The following NEDD4 variants were observed in gnomAD, a reference collection of about 807,000 sequenced individuals.
NEDD4 encodes the protein NEDD4 E3 ubiquitin protein ligase.
A neutral mutation model predicts 144.9 loss-of-function variants in NEDD4; 99 were observed. The observed-to-expected ratio is 0.68, with a 90% CI of 0.58 to 0.81. The LOEUF is 0.81. Ranked by LOEUF, NEDD4 falls within the 30% of genes least tolerant of loss-of-function variation. NEDD4 has a pLI of 0.00. For missense variants in NEDD4, 985 were observed against 1,065.9 expected (o/e 0.92, Z 1.06); for synonymous variants, 318 against 350.6 (o/e 0.91, Z 1.04).
Position 55,951,398 on chromosome 15 carries a change from C to T in NEDD4, c.215G>A (p.Trp72Ter). Residue 72 changes from tryptophan to a stop codon, truncating the protein, a stop_gained, in exon 4 of 29, where the codon TGG (tryptophan) becomes TAG (stop). Transcript: ENST00000435532. LOFTEE classifies it high-confidence loss of function. ...TACTCTGAATAATATTTCTTCATTC[C>T]ACTTTGGATTCAAACTCTAAAAAAT... The part of the protein sequence containing the change: ...KTIKKSLNPK[W>*]NEEILFRVHP... 5.0e-6 allele frequency: 5 copies of T among 1,004,434 alleles called. No individual in the cohort carries two copies. The highest frequency in any genetic ancestry group is 7.3e-6 in the Non-Finnish European group (5 of 687,828). 62.2% of individuals were successfully genotyped at this position (1,004,434 alleles called of 1,614,324 possible). A position where few individuals can be genotyped will look rare whatever the true frequency, so the allele number is the denominator to read the frequency against.
At chr15:55,866,247 T>C (rs2034583788) in intron 8 of NEDD4, among the ~76,000 whole-genome samples, 2 of 150,768 alleles carry the variant, frequency 1.3e-5, no homozygotes, top group South Asian at 4.2e-4. Context: ...TTTACCTCTT[T>C]TATAAGAATT....
chr15:55,935,532 G>T (rs1197310375), intron 4 of NEDD4, among the ~76,000 whole-genome samples: 1 of 151,940 alleles, frequency 6.6e-6, no homozygotes, highest in East Asian at 1.9e-4. Flanking sequence ...TCTGGAAAAA[G>T]GTTTTTTACT....
chr15:55,840,390 T>C, intron 21 of NEDD4, 57 bp downstream of exon 21: 5 of 1,456,348 alleles, frequency 3.4e-6, no homozygotes, highest in Non-Finnish European at 4.7e-6. Context: ...TTCTTCAAAA[T>C]GTTCAAGCTG....
In NEDD4 at chr15:55,834,104, C is replaced by G; in HGVS notation, c.2364G>C (p.Trp788Cys). 1.2e-6 allele frequency: 2 copies of G among 1,613,710 alleles called. No homozygotes were observed. The highest frequency in any genetic ancestry group is 1.7e-6 in the Non-Finnish European group (2 of 1,179,986). The change falls in exon 26 of 29, where the codon TGG becomes TGC. Residue 788 changes from tryptophan (W) to cysteine (C), a missense_variant. Transcript: ENST00000435532. ...CGLGDVDVND[W>C]REHTKYKNGY... ...CATTTTTATACTTTGTATGTTCCCT[C>G]CAGTCATTCACATCAACATCTCCCA...
intron 22 of NEDD4, among the ~76,000 whole-genome samples, 164 bp downstream of exon 22, chr15:55,838,345 G>A (rs1393550707): frequency 6.6e-6 from 1 of 152,118 alleles, no homozygotes; most frequent in Non-Finnish European, 1.5e-5. Flanking sequence ...AATATGGAAC[G>A]AGTCAAATGT....
chr15:55,840,801 T>G, intron 19 of NEDD4, 74 bp from the exon 20 acceptor site: 1 of 1,451,940 alleles, frequency 6.9e-7, no homozygotes, highest in Non-Finnish European at 9.5e-7. Context: ...ATAATCTTCC[T>G]CCTTTAAGAG....
chr15:55,906,528 A>G (rs1213972299), intron 5 of NEDD4, among the ~76,000 whole-genome samples: 1 of 151,980 alleles, frequency 6.6e-6, no homozygotes, highest in Non-Finnish European at 1.5e-5. Flanking sequence ...AAACTATCGC[A>G]GGGACAAAAA....
At chr15:55,884,606 T>C (rs1488035541) in intron 5 of NEDD4, among the ~76,000 whole-genome samples, 1 of 151,776 alleles carries the variant, frequency 6.6e-6, no homozygotes, top group African/African-American at 2.4e-5. Flanking sequence ...GAGATTAAAA[T>C]AATTAAAAAG....
In NEDD4 at chr15:55,864,687, GAA is replaced by G. The variant is rs57833326; in HGVS notation, c.508-1610_508-1609del. Among the ~76,000 whole-genome samples, 1,258 of 126,230 alleles carry G rather than the reference GAA, an allele frequency of 1.0e-2. 13 individuals carry two copies. The highest frequency in any genetic ancestry group is 0.011 in the Admixed American group (134 of 12,398). The allele number at this position is 126,230 out of a possible 152,430, so 82.8% of individuals were successfully genotyped here. A position where few individuals can be genotyped will look rare whatever the true frequency, so the allele number is the denominator to read the frequency against. On this transcript the variant is annotated intron_variant, in intron 8 of 28. Coordinates refer to ENST00000435532, the MANE Select transcript of NEDD4 (RefSeq NM_006154.4). The stretch of plus-strand genomic sequence containing the variant: ...ACAAGAGTGAAACTCTGTCTCATAA[GAA>G]AAAAAAAAAAAAAAGATACGAGGCA...
chr15:55,939,488 G>A (rs1443880389), intron 4 of NEDD4, among the ~76,000 whole-genome samples: 2 of 152,070 alleles, frequency 1.3e-5, no homozygotes, highest in Non-Finnish European at 2.9e-5. Context: ...TTATCATAGT[G>A]TGAAAACGGA....
At chr15:55,960,187 G>A (rs903448926) in intron 2 of NEDD4, among the ~76,000 whole-genome samples, 27 of 152,172 alleles carry the variant, frequency 1.8e-4, no homozygotes, top group African/African-American at 6.5e-4. Context: ...GGGTAATATT[G>A]AGTGTCAACT....
At chr15:55,925,046 C>A (rs1009632313) in intron 4 of NEDD4, among the ~76,000 whole-genome samples, 1 of 152,044 alleles carries the variant, frequency 6.6e-6, no homozygotes, top group Non-Finnish European at 1.5e-5. Context: ...CCAGCCTGGG[C>A]GACATAGAGA....
chr15:55,852,712 TATATATATA>T (rs2034039121), intron 12 of NEDD4, among the ~76,000 whole-genome samples, 169 bp from the exon 13 acceptor site: 2 of 127,204 alleles, frequency 1.6e-5, no homozygotes, highest in Admixed American at 8.3e-5. Flanking sequence ...TATATATATA[TATATATATA>T]TATTTACCTT....
At chr15:55,865,706 G>C (rs1424895552) in intron 8 of NEDD4, among the ~76,000 whole-genome samples, 1 of 152,060 alleles carries the variant, frequency 6.6e-6, no homozygotes, top group African/African-American at 2.4e-5. Flanking sequence ...CGGCTTCCAA[G>C]ATGGAAGAGA....
chr15:55,882,573 T>C (rs938061822), intron 5 of NEDD4, among the ~76,000 whole-genome samples: 4 of 152,208 alleles, frequency 2.6e-5, no homozygotes, highest in African/African-American at 9.6e-5. Context: ...GGGTTCTAAA[T>C]AAACTTGAAA....
intron 1 of NEDD4, among the ~76,000 whole-genome samples, chr15:55,983,274 ATG>A (rs2037833073): frequency 7.2e-6 from 1 of 139,250 alleles, no homozygotes; most frequent in Non-Finnish European, 1.7e-5. Context: ...AATGTTGATG[ATG>A]ACGACAATGG....
At chr15:55,934,423 T>C (rs577451098) in intron 4 of NEDD4, among the ~76,000 whole-genome samples, 256 of 152,304 alleles carry the variant, frequency 1.7e-3, no homozygotes, top group Non-Finnish European at 2.9e-3. Context: ...CGAACATTGG[T>C]GCGCAAGTTT....
intron 18 of NEDD4, among the ~76,000 whole-genome samples, chr15:55,842,913 G>A (rs920613430): frequency 2.0e-5 from 3 of 152,090 alleles, no homozygotes; most frequent in Non-Finnish European, 4.4e-5. Context: ...GATATATTCT[G>A]GCTGTGTCCC....
intron 9 of NEDD4, 119 bp from the exon 10 acceptor site, chr15:55,860,897 T>TGA: frequency 1.2e-6 from 1 of 827,012 alleles, no homozygotes; most frequent in Non-Finnish European, 1.9e-6. Context: ...TTTATTGTCT[T>TGA]TGACCAAAGG....
Sources: gnomAD v4.1 joint callset for allele counts (sites outside exome capture counted in the v4.1 genomes callset) on GRCh38, gnomAD v4.1.1 for gene constraint, MANE v1.5 for transcripts, NCBI Gene and HGNC (gene_info 2026-07-23, HGNC 2026-07-21) for gene names.